STARD9: variants seen among roughly 807,000 people sequenced by gnomAD.
STARD9 encodes StAR related lipid transfer domain containing 9, also known as stAR-related lipid transfer protein 9.
STARD9 carries 346 observed loss-of-function variants against 399.8 expected under a neutral mutation model. The ratio of observed to expected loss-of-function variants is 0.87; its 90% CI spans 0.79 to 0.95. The LOEUF (loss-of-function observed/expected upper bound fraction) is 0.95. Ranked by LOEUF, STARD9 falls within the 40% of genes least tolerant of loss-of-function variation. The pLI, the probability that STARD9 is intolerant of heterozygous loss-of-function variation, is 0.00. For missense variants in STARD9, 5,832 were observed against 5,667.5 expected, an observed-to-expected ratio of 1.03 and a Z score of -0.93; for synonymous variants, 2,203 against 2,143.5, an observed-to-expected ratio of 1.03 and a Z score of -0.77.
In STARD9 at chr15:42,685,291, T is replaced by C. The variant is rs1288934362; in HGVS notation, c.3713T>C (p.Leu1238Pro). ...ATACCCACAGAGACTTTTTGGCACC[T>C]GGAGGACTCTAGTCTGCCTGTAATG... is the stretch of plus-strand genomic sequence containing the variant. ...DEIPTETFWHLEDSSLPVMDQ... is the reference protein window; with the variant it reads ...DEIPTETFWHPEDSSLPVMDQ... Residue 1238 changes from leucine to proline, a missense_variant, in exon 23 of 33, where the codon CTG becomes CCG. Leu to Pro is a moderately conservative substitution (Grantham distance 98). Coordinates refer to ENST00000290607, the MANE Select transcript of STARD9 (RefSeq NM_020759.3). 5 of 1,537,444 alleles carry C rather than the reference T, an allele frequency of 3.3e-6. No individual in the cohort carries two copies. Among genetic ancestry groups the C allele is most frequent in the Non-Finnish European group, 4.4e-6 (5 of 1,146,986 alleles).
Position 42,691,973 on chromosome 15 carries a change from C to T in STARD9, c.10395C>T (p.Asp3465=). The T allele has an allele frequency of 6.5e-7, 1 of 1,537,276 alleles. No individual in the cohort carries two copies. The highest frequency in any genetic ancestry group is 8.7e-7 in the Non-Finnish European group (1 of 1,146,898). The change falls in exon 23 of 33, where the codon GAC becomes GAT. Residue 3465 remains aspartate, a synonymous_variant. Transcript: ENST00000290607. The part of the protein sequence containing the change: ...DKGMLHFGSS[D]ISPYALPWRP... Reference sequence around the variant, plus strand: ...GAATGCTGCACTTTGGCTCCAGTGACATCAGTCCCTATGCGCTGCCGTGGC... The same window carrying T: ...GAATGCTGCACTTTGGCTCCAGTGATATCAGTCCCTATGCGCTGCCGTGGC...
At chr15:42,662,432 C>T (rs972540390) in intron 10 of STARD9, among the ~76,000 whole-genome samples, 51 of 152,060 alleles carry the variant, frequency 3.4e-4, no homozygotes, top group African/African-American at 9.9e-4. Context: ...TGTCAGCTAA[C>T]GGCACAAATA....
chr15:42,686,841 G>T lies in STARD9; in HGVS notation c.5263G>T (p.Ala1755Ser), dbSNP rs946020533. The T allele has an allele frequency of 1.3e-6, 2 of 1,537,122 alleles. No homozygotes were observed. The highest frequency in any genetic ancestry group is 2.0e-5 in the Admixed American group (1 of 51,000). Residue 1755 changes from alanine to serine, a missense_variant, in exon 23 of 33, where the codon GCC (alanine) becomes TCC (serine). Transcript: ENST00000290607. ...ETFYVTKSRD[A>S]LTETALEIPA... ...ATTCTATGTGACCAAAAGCAGGGAT[G>T]CCCTGACAGAAACTGCCTTAGAGAT...
At position 42,677,045 on chromosome 15, in the gene STARD9, G is replaced by A. The variant is rs60472854; in HGVS notation, c.1874+1070G>A. The stretch of plus-strand genomic sequence containing the variant: ...AGGTGGGTGGATCACAAGGTTAGGA[G>A]ATCAAGACCATCCTGGCTAACATGG... On this transcript the variant is annotated intron_variant, in intron 20 of 32. Coordinates refer to ENST00000290607, the MANE Select transcript of STARD9 (RefSeq NM_020759.3). Among the ~76,000 whole-genome samples the A allele has an allele frequency of 4.6e-3, 607 of 131,438 alleles. 2 individuals are homozygous for A. Among genetic ancestry groups the A allele is most frequent in the African/African-American group, 0.017 (583 of 34,204 alleles). 86.2% of individuals were successfully genotyped at this position (131,438 alleles called of 152,430 possible). A position where few individuals can be genotyped will look rare whatever the true frequency, so the allele number is the denominator to read the frequency against.
At chr15:42,580,618 A>T (rs891907593) in intron 1 of STARD9, among the ~76,000 whole-genome samples, 8 of 152,164 alleles carry the variant, frequency 5.3e-5, no homozygotes, top group African/African-American at 1.9e-4. Flanking sequence ...GTTCGAGACC[A>T]GCCTGGCCAG....
chr15:42,641,237 A>AG (rs1003886532), intron 7 of STARD9, among the ~76,000 whole-genome samples: 1 of 152,168 alleles, frequency 6.6e-6, no homozygotes, highest in African/African-American at 2.4e-5. Context: ...GAATCCTTGA[A>AG]GGGAGGGAGG....
chr15:42,612,609 A>G (rs935792302), intron 3 of STARD9, among the ~76,000 whole-genome samples: 3 of 152,210 alleles, frequency 2.0e-5, no homozygotes. Context: ...GGATAGCCTC[A>G]TAAGGAATTT....
chr15:42,655,866 TCAAA>T (rs1304690395), intron 9 of STARD9, among the ~76,000 whole-genome samples: 3 of 152,018 alleles, frequency 2.0e-5, no homozygotes, highest in Non-Finnish European at 2.9e-5. Flanking sequence ...TACAAGGAAC[TCAAA>T]CAAATCAGCA....
At chr15:42,593,682 G>A (rs1378225672) in intron 3 of STARD9, among the ~76,000 whole-genome samples, 1 of 6,796 alleles carries the variant, frequency 1.5e-4, no homozygotes, top group Non-Finnish European at 3.7e-4. Flanking sequence ...TTTTTTTTTT[G>A]AGACAGAGTC....
chr15:42,665,424 A>G (rs575327645), intron 14 of STARD9, 94 bp downstream of exon 14: 39 of 970,484 alleles, frequency 4.0e-5, no homozygotes, highest in Non-Finnish European at 5.4e-5. Flanking sequence ...GCTGCATTCT[A>G]TGTTCTCAAT....
chr15:42,650,767 TATATGACTTATAGACC>T (rs2059745480), intron 7 of STARD9, among the ~76,000 whole-genome samples: 1 of 152,216 alleles, frequency 6.6e-6, no homozygotes, highest in Non-Finnish European at 1.5e-5. Context: ...GCATATGGTC[TATATGACTTATAGACC>T]ATAATCTCTG....
At chr15:42,610,544 TTTC>T (rs879661236) in intron 3 of STARD9, among the ~76,000 whole-genome samples, 6 of 152,126 alleles carry the variant, frequency 3.9e-5, no homozygotes, top group African/African-American at 1.4e-4. Flanking sequence ...ATACTTTCTT[TTTC>T]TTCTTCTTTT....
intron 24 of STARD9, 129 bp from the exon 25 acceptor site, chr15:42,695,010 CT>C: frequency 1.1e-6 from 1 of 872,134 alleles, no homozygotes; most frequent in Non-Finnish European, 1.7e-6. Flanking sequence ...AAAAATCATA[CT>C]TTAAAACCCT....
chr15:42,665,896 T>C, intron 15 of STARD9, 48 bp downstream of exon 15: 4 of 1,474,720 alleles, frequency 2.7e-6, no homozygotes, highest in South Asian at 2.4e-5. Context: ...ACCTGGGAGC[T>C]CCTCCATTAT....
At chr15:42,676,098 T>C in intron 20 of STARD9, 123 bp downstream of exon 20, 1 of 763,694 alleles carries the variant, frequency 1.3e-6, no homozygotes, top group Non-Finnish European at 2.2e-6. Context: ...AATGAGCCCT[T>C]GTCTGAATCA....
At position 42,690,972 on chromosome 15, in the gene STARD9, C is replaced by G; in HGVS notation, c.9394C>G (p.Pro3132Ala). Residue 3132 changes from proline to alanine, a missense_variant, in exon 23 of 33, where the codon CCA becomes GCA. Pro to Ala is a conservative substitution (Grantham distance 27, BLOSUM62 -1). Around this residue, in one of 2 missense-constraint regions of STARD9, gnomAD observed 5,828 missense variants for 5,651.1 expected, o/e 1.03. Transcript: ENST00000290607. ...DQNAQVCQTN[P>A]EPPATTQGPH... is the part of the protein sequence containing the mutation. ...GAATGCACAGGTGTGTCAAACCAAT[C>G]CAGAACCACCTGCAACAACTCAGGG... 3 of 1,537,182 alleles carry G rather than the reference C, an allele frequency of 2.0e-6. No individual in the cohort carries two copies. Among genetic ancestry groups the G allele is most frequent in the Non-Finnish European group, 2.6e-6 (3 of 1,146,896 alleles).
chr15:42,691,981 C>G lies in STARD9; in HGVS notation c.10403C>G (p.Pro3468Arg), dbSNP rs111336295. The change falls in exon 23 of 33, where the codon CCC becomes CGC. Residue 3468 changes from proline (P) to arginine (R), a missense_variant. Around this residue, in one of 2 missense-constraint regions of STARD9, gnomAD observed 5,828 missense variants for 5,651.1 expected, o/e 1.03. Transcript: ENST00000290607. ...CACTTTGGCTCCAGTGACATCAGTC[C>G]CTATGCGCTGCCGTGGCGTCCGGAG... ...MLHFGSSDIS[P>R]YALPWRPEEP... 1,679 of 1,537,158 alleles carry G rather than the reference C, an allele frequency of 1.1e-3. 16 individuals are homozygous for G. In the African/African-American group the frequency reaches 0.02, roughly 18 times the overall value.
At chr15:42,635,130 G>A (rs955182496) in intron 4 of STARD9, among the ~76,000 whole-genome samples, 158 bp downstream of exon 4, 1 of 151,910 alleles carries the variant, frequency 6.6e-6, no homozygotes, top group African/African-American at 2.4e-5. Flanking sequence ...TTTCGGCTGG[G>A]CGCAGTGGCT....
In STARD9 at chr15:42,691,783, C is replaced by T. The variant is rs1365229329; in HGVS notation, c.10205C>T (p.Pro3402Leu). 6.5e-7 allele frequency: 1 copy of T among 1,537,280 alleles called. No homozygotes were observed. Among genetic ancestry groups the T allele is most frequent in the East Asian group, 2.4e-5 (1 of 40,922 alleles). ...ACTACCGATCACAGGCACCTGAAGCCTGCCACCCCTCCTTATCCAATGCCT... is the reference window on the plus strand; with the variant it reads ...ACTACCGATCACAGGCACCTGAAGCTTGCCACCCCTCCTTATCCAATGCCT... ...DGTTDHRHLKPATPPYPMPST... is the reference protein window; with the variant it reads ...DGTTDHRHLKLATPPYPMPST... The change falls in exon 23 of 33, where the codon CCT (proline) becomes CTT (leucine). Residue 3402 changes from proline to leucine, a missense_variant. This residue lies in a region of STARD9 where 5,828 missense variants were observed against 5,651.1 expected (regional missense o/e 1.03). Coordinates refer to ENST00000290607, the MANE Select transcript of STARD9 (RefSeq NM_020759.3).
Sources: gnomAD v4.1 joint callset for allele counts (sites outside exome capture counted in the v4.1 genomes callset) on GRCh38, gnomAD v4.1.1 for gene constraint, gnomAD v4.1.1 regional missense constraint, MANE v1.5 for transcripts, NCBI Gene and HGNC (gene_info 2026-07-23, HGNC 2026-07-21) for gene names.